PIR: variants seen among roughly 807,000 people sequenced by gnomAD.
The protein encoded by PIR is pirin (iron-binding nuclear protein).
A neutral mutation model predicts 24.2 loss-of-function variants in PIR; 22 were observed. That is an observed-to-expected ratio of 0.91 (90% CI 0.65 to 1.30). The LOEUF (loss-of-function observed/expected upper bound fraction) is 1.30, where lower values mean the gene tolerates loss of function less well. PIR is among the 50% of genes most tolerant of loss of function. PIR has a pLI of 0.00. For missense variants in PIR, 220 were observed against 220.3 expected (o/e 1.00, Z 0.01); for synonymous variants, 80 against 79.6 (o/e 1.00, Z -0.03).
At chrX:15,432,553 A>G (rs181786759) in intron 5 of PIR, among the ~76,000 whole-genome samples, 164 of 112,340 alleles carry the variant, frequency 1.5e-3, no homozygotes, top group African/African-American at 4.7e-3. Context: ...AGCTTGAAGT[A>G]TTCAGAAACT....
intron 1 of PIR, 93 bp downstream of exon 1, chrX:15,493,097 A>T (rs1923246106): frequency 8.9e-6 from 1 of 112,701 alleles, no homozygotes; most frequent in South Asian, 3.6e-4. Flanking sequence ...CTCCCCTAGG[A>T]GTCTAAAGTG....
At chrX:15,471,045 T>C (rs1921887662) in intron 3 of PIR, among the ~76,000 whole-genome samples, 1 of 111,818 alleles carries the variant, frequency 8.9e-6, no homozygotes, top group African/African-American at 3.3e-5. Flanking sequence ...GGGAATTTAT[T>C]TGGACTACTT....
At chrX:15,392,066 G>A (rs1045522149) in intron 8 of PIR, among the ~76,000 whole-genome samples, 6 of 111,110 alleles carry the variant, frequency 5.4e-5, no homozygotes, top group African/African-American at 2.0e-4. Flanking sequence ...GCCAAATGGA[G>A]GGGCTACCTA....
intron 7 of PIR, among the ~76,000 whole-genome samples, chrX:15,405,553 A>T (rs1453885510): frequency 1.8e-5 from 2 of 112,453 alleles, no homozygotes; most frequent in African/African-American, 6.5e-5. Context: ...CCACCTTAAA[A>T]TTCATGTGCT....
chrX:15,425,415 T>C (rs1014252369), intron 6 of PIR, among the ~76,000 whole-genome samples: 18 of 101,219 alleles, frequency 1.8e-4, no homozygotes, highest in Admixed American at 4.2e-4. Context: ...TTCTTTCTTT[T>C]TTTTTTTTTT....
rs778077517 is a variant in PIR at position 15,410,048 on chromosome X, C to T, written c.566-2498G>A. On this transcript the variant is annotated intron_variant, in intron 6 of 9. Transcript: ENST00000380420. ...CGAGCAGATCACGAGGTCAAGAGTT[C>T]GAGACCAGCCTGGCCAACATGGTGA... Among the ~76,000 whole-genome samples, 10 of 110,780 alleles carry T rather than the reference C, an allele frequency of 9.0e-5. No individual in the cohort carries two copies. The East Asian group carries it at 2.6e-3, about 28-fold the overall frequency.
At chrX:15,399,315 T>G (rs2147006626) in intron 7 of PIR, among the ~76,000 whole-genome samples, 1 of 112,742 alleles carries the variant, frequency 8.9e-6, no homozygotes, top group African/African-American at 3.2e-5. Flanking sequence ...TTTGTGAATT[T>G]TGGACATATT....
At chrX:15,426,914 C>A (rs1051315782) in intron 5 of PIR, among the ~76,000 whole-genome samples, 1 of 111,573 alleles carries the variant, frequency 9.0e-6, no homozygotes, top group Non-Finnish European at 1.9e-5. Context: ...CACCTAAAGA[C>A]AGGCACAAGT....
chrX:15,475,031 T>C (rs1258697511), intron 3 of PIR, among the ~76,000 whole-genome samples: 2 of 109,416 alleles, frequency 1.8e-5, no homozygotes, highest in Non-Finnish European at 3.8e-5. Flanking sequence ...AAAATGGATG[T>C]TGAATTTAAT....
chrX:15,459,781 A>G (rs1408615695), intron 3 of PIR, 41 bp from the exon 4 acceptor site: 4 of 753,813 alleles, frequency 5.3e-6, no homozygotes, highest in Non-Finnish European at 8.3e-6. Flanking sequence ...TCCTTTGCCT[A>G]TTTTTAAATT....
At chrX:15,456,197 C>T in intron 4 of PIR, 143 bp from the exon 5 acceptor site, 2 of 512,611 alleles carry the variant, frequency 3.9e-6, no homozygotes, top group Non-Finnish European at 6.5e-6. Context: ...GAATAATAAA[C>T]ATCAGTGACA....
intron 2 of PIR, 126 bp from the exon 3 acceptor site, chrX:15,479,947 T>C (rs1413183494): frequency 5.8e-6 from 2 of 345,380 alleles, no homozygotes; most frequent in Non-Finnish European, 1.0e-5. Flanking sequence ...CTTTTTACAA[T>C]GAAAATTGCT....
chrX:15,453,391 A>T (rs777329131), intron 5 of PIR, among the ~76,000 whole-genome samples: 2 of 112,394 alleles, frequency 1.8e-5, no homozygotes, highest in South Asian at 3.7e-4. Flanking sequence ...AGTCCTATTT[A>T]ATAGATGAGA....
chrX:15,466,006 G>GTTTTTTTTT lies in PIR; in HGVS notation c.190-6275_190-6267dup, dbSNP rs200803758. The stretch of plus-strand genomic sequence containing the variant: ...TTCCATTTGCTTTAAAATGGTGGCT[G>GTTTTTTTTT]TTTTTTTTTTTTTTTTTTTTTTGTC... On this transcript the variant is annotated intron_variant, in intron 3 of 9. Transcript: ENST00000380420. 1.3e-3 allele frequency among the ~76,000 whole-genome samples: 85 copies of GTTTTTTTTT among 63,090 alleles called. 1 individual carries two copies. The highest frequency in any genetic ancestry group is 1.9e-3 in the African/African-American group (27 of 14,419). The allele number at this position is 63,090 out of a possible 115,157, so 54.8% of individuals were successfully genotyped here.
chrX:15,438,894 C>CT (rs1364155658), intron 5 of PIR, among the ~76,000 whole-genome samples: 8 of 111,544 alleles, frequency 7.2e-5, no homozygotes, highest in Middle Eastern at 4.6e-3. Context: ...CAGAGGCTGT[C>CT]TGCAGGGACC....
chrX:15,402,254 A>G (rs1924412664), intron 7 of PIR, among the ~76,000 whole-genome samples: 1 of 111,829 alleles, frequency 8.9e-6, no homozygotes, highest in South Asian at 3.7e-4. Context: ...AAATACAGTT[A>G]AGGTGGGTTT....
intron 5 of PIR, among the ~76,000 whole-genome samples, chrX:15,439,200 CA>C (rs1198311261): frequency 1.2e-4 from 14 of 112,067 alleles, no homozygotes; most frequent in Non-Finnish European, 5.6e-5. Context: ...CTTCACTGTC[CA>C]ATACAGTTGC....
At chrX:15,410,614 T>C (rs1032526788) in intron 6 of PIR, among the ~76,000 whole-genome samples, 1 of 111,892 alleles carries the variant, frequency 8.9e-6, no homozygotes, top group South Asian at 3.7e-4. Flanking sequence ...TTTTTTTCCT[T>C]TTTTATCTTT....
intron 9 of PIR, among the ~76,000 whole-genome samples, chrX:15,385,746 C>T (rs769913118): frequency 8.9e-6 from 1 of 112,279 alleles, no homozygotes; most frequent in South Asian, 3.7e-4. Context: ...AACTACTCAA[C>T]TCTTTCATCA....
Sources: gnomAD v4.1 joint callset for allele counts (sites outside exome capture counted in the v4.1 genomes callset) on GRCh38, gnomAD v4.1.1 for gene constraint, MANE v1.5 for transcripts, NCBI Gene and HGNC (gene_info 2026-07-23, HGNC 2026-07-21) for gene names.